The following ERICH1 variants were observed in gnomAD, a reference collection of about 807,000 sequenced individuals.
ERICH1 encodes glutamate rich 1.
ERICH1 carries 56 observed loss-of-function variants against 39.6 expected under a neutral mutation model. The ratio of observed to expected loss-of-function variants is 1.41; its 90% CI spans 1.14 to 1.77. The LOEUF is 1.77. Among genes scored for constraint, ERICH1 ranks in the 40% most tolerant of loss-of-function variants. ERICH1 has a pLI of 0.00. For synonymous variants in ERICH1, 313 were observed against 223.6 expected, an observed-to-expected ratio of 1.40 and a Z score of -3.57; for missense variants, 826 against 575.4, an observed-to-expected ratio of 1.44 and a Z score of -4.45.
chr8:639,066 G>T (rs62486208), intron 3 of ERICH1, among the ~76,000 whole-genome samples: 1 of 152,152 alleles, frequency 6.6e-6, no homozygotes, highest in East Asian at 1.9e-4. Flanking sequence ...TGAAGACCAC[G>T]GTCCATGCTG....
chr8:656,814 C>G (rs1187842412), intron 3 of ERICH1: 2 of 985,372 alleles, frequency 2.0e-6, no homozygotes, highest in African/African-American at 3.5e-5. Context: ...TCAGGACTCC[C>G]TCACTCTGAA....
rs569421497 is a variant in ERICH1, at chr8:653,457, C to T, written c.976+15141G>A. Among the ~76,000 whole-genome samples, 19 of 152,322 alleles carry T rather than the reference C, an allele frequency of 1.2e-4. No individual in the cohort carries two copies. In the South Asian group the frequency reaches 3.9e-3, roughly 32 times the overall value. ...TCAAACTGTTCCAATAAGGCAAATG[C>T]CAACCTGGAACCAATCCAGCTGTTC... On this transcript the variant is annotated intron_variant, in intron 3 of 3. Transcript: ENST00000522706.
chr8:657,552 T>G (rs748134735), intron 3 of ERICH1, among the ~76,000 whole-genome samples: 1 of 150,612 alleles, frequency 6.6e-6, no homozygotes, highest in Non-Finnish European at 1.5e-5. Context: ...TCCTGCTCCG[T>G]CAGTCCAGAC....
chr8:688,012 A>G (rs962016888), intron 3 of ERICH1, among the ~76,000 whole-genome samples: 2 of 151,712 alleles, frequency 1.3e-5, no homozygotes, highest in Non-Finnish European at 2.9e-5. Context: ...CCGCAGCCCC[A>G]GCTCCCGCCG....
chr8:704,281 A>G (rs946530810), intron 2 of ERICH1, among the ~76,000 whole-genome samples: 1 of 152,220 alleles, frequency 6.6e-6, no homozygotes, highest in Non-Finnish European at 1.5e-5. Flanking sequence ...GGCCCAGGAC[A>G]GCAAAGGAAG....
rs867974607 is a variant in ERICH1 at position 687,655 on chromosome 8, G to A, written c.304+4823C>T. Among the ~76,000 whole-genome samples the A allele has an allele frequency of 6.6e-5, 10 of 152,228 alleles. 1 individual carries two copies. In the South Asian group the frequency reaches 8.3e-4, roughly 13 times the overall value. On this transcript the variant is annotated intron_variant, in intron 3 of 5. Transcript: ENST00000262109. ...GGAAGGCAGCGCGCGGGGAGCGCCC[G>A]GGCGGCCCAGGCGAGGCAGGACGCA...
intron 2 of ERICH1, among the ~76,000 whole-genome samples, chr8:695,544 TC>T (rs1809984203): frequency 8.8e-6 from 1 of 114,184 alleles, no homozygotes; most frequent in Non-Finnish European, 1.9e-5. Context: ...CCTCTCGCCC[TC>T]CACTCCTCTC....
chr8:668,597 C>T lies in ERICH1; in HGVS notation c.1258+1G>A, dbSNP rs1053296030. 1.9e-6 allele frequency: 3 copies of T among 1,614,186 alleles called. No individual in the cohort carries two copies. The highest frequency in any genetic ancestry group is 1.3e-5 in the African/African-American group (1 of 75,048). On this transcript the variant is annotated splice_donor_variant, in intron 5 of 5. Transcript: ENST00000262109. LOFTEE classifies it high-confidence loss of function. ...CCTTGAATAAATCGTACGGTACTTA[C>T]CAGGAGGCATCGTGCAATGTTCTGG...
chr8:692,847 A>C (rs1380063044), intron 2 of ERICH1, among the ~76,000 whole-genome samples: 1 of 152,234 alleles, frequency 6.6e-6, no homozygotes, highest in Non-Finnish European at 1.5e-5. Flanking sequence ...TGATTGTTTG[A>C]ATTCACATGA....
Position 615,705 on chromosome 8 carries a change from T to C in ERICH1, c.977-421A>G, listed in dbSNP as rs77921561. On this transcript the variant is annotated intron_variant, in intron 3 of 3. Transcript: ENST00000522706. ...TCTAGTCTAAACAGGAAAGACAACA[T>C]TCTTATTGCTTGGAGGTTTACTCGA... The C allele has an allele frequency of 2.3e-3, 356 of 156,844 alleles. 1 individual carries two copies. The highest frequency in any genetic ancestry group is 7.8e-3 in the African/African-American group (328 of 41,804). 9.7% of individuals were successfully genotyped at this position (156,844 alleles called of 1,614,324 possible). A position where few individuals can be genotyped will look rare whatever the true frequency, so the allele number is the denominator to read the frequency against.
At chr8:668,920 G>T in intron 4 of ERICH1, 128 bp from the exon 5 acceptor site, 1 of 810,064 alleles carries the variant, frequency 1.2e-6, no homozygotes, top group Non-Finnish European at 1.9e-6. Flanking sequence ...TCTGGGAGAT[G>T]AGAAGCTACC....
chr8:662,038 G>A (rs563611498), downstream of ERICH1, among the ~76,000 whole-genome samples: 4 of 151,858 alleles, frequency 2.6e-5, no homozygotes, highest in Non-Finnish European at 5.9e-5. Flanking sequence ...GAACCTACAG[G>A]GACCCAGGAA....
chr8:653,897 C>A (rs567496098), intron 3 of ERICH1, among the ~76,000 whole-genome samples: 1 of 150,506 alleles, frequency 6.6e-6, no homozygotes, highest in South Asian at 2.1e-4. Flanking sequence ...GGCTATAACA[C>A]GAGAAACCCT....
chr8:682,274 A>G (rs1317371257), intron 3 of ERICH1, among the ~76,000 whole-genome samples: 1 of 152,164 alleles, frequency 6.6e-6, no homozygotes, highest in African/African-American at 2.4e-5. Context: ...TCCCATTCTC[A>G]GCTTTAGTGA....
chr8:694,250 G>C (rs1435971156), intron 2 of ERICH1, among the ~76,000 whole-genome samples: 1 of 152,204 alleles, frequency 6.6e-6, no homozygotes, highest in African/African-American at 2.4e-5. Context: ...CTGATTCACC[G>C]CAGCTGATTA....
At chr8:652,461 T>C (rs1047621530) in intron 3 of ERICH1, among the ~76,000 whole-genome samples, 3 of 151,830 alleles carry the variant, frequency 2.0e-5, no homozygotes, top group Non-Finnish European at 2.9e-5. Context: ...CGGAGTGGAG[T>C]TGATATCACA....
Position 668,701 on chromosome 8 carries a change from G to A in ERICH1, c.1155C>T (p.Asp385=), listed in dbSNP as rs147752635. 6.5e-5 allele frequency: 105 copies of A among 1,614,076 alleles called. No individual in the cohort carries two copies. The African/African-American group carries it at 1.2e-3, about 19-fold the overall frequency. Residue 385 remains aspartate, a synonymous_variant, in exon 5 of 6, where the codon GAC becomes GAT. Coordinates refer to ENST00000262109, the MANE Select transcript of ERICH1 (RefSeq NM_207332.3). The part of the protein sequence containing the change: ...RLASHSMLPS[D]VSILYHMKTL... Reference sequence around the variant, plus strand: ...TTTTCATGTGGTACAGGATGGACACGTCTGAGGGCAGCATGCTGTGTGACG... The same window carrying A: ...TTTTCATGTGGTACAGGATGGACACATCTGAGGGCAGCATGCTGTGTGACG...
intron 3 of ERICH1, among the ~76,000 whole-genome samples, chr8:641,917 A>C (rs1799035586): frequency 6.6e-6 from 1 of 152,190 alleles, no homozygotes; most frequent in Non-Finnish European, 1.5e-5. Context: ...TCCAGTCTCC[A>C]CTGGTCTCAG....
intron 3 of ERICH1, among the ~76,000 whole-genome samples, chr8:630,124 CACAG>C (rs1320067849): frequency 3.2e-5 from 3 of 95,172 alleles, no homozygotes; most frequent in African/African-American, 4.3e-5. Flanking sequence ...TGAGCACCCA[CACAG>C]ACAGAGCTGA....
Sources: gnomAD v4.1 joint callset for allele counts (sites outside exome capture counted in the v4.1 genomes callset) on GRCh38, gnomAD v4.1.1 for gene constraint, MANE v1.5 for transcripts, NCBI Gene and HGNC (gene_info 2026-07-23, HGNC 2026-07-21) for gene names.